Variants in FILIP1L observed in about 807,000 individuals in gnomAD.
FILIP1L encodes filamin A interacting protein 1 like.
In FILIP1L, 55 loss-of-function variants were observed where a neutral mutation model predicts 96.6. The ratio of observed to expected loss-of-function variants is 0.57; its 90% CI spans 0.46 to 0.71. The LOEUF (loss-of-function observed/expected upper bound fraction) is 0.71, where lower values mean the gene tolerates loss of function less well. Ranked by LOEUF, FILIP1L falls within the 30% of genes least tolerant of loss-of-function variation. The pLI is 0.00. For synonymous variants in FILIP1L, 467 were observed against 473.9 expected (o/e 0.99, Z 0.19); for missense variants, 1,304 against 1,321.2 (o/e 0.99, Z 0.20).
chr3:100,026,984 G>A (rs1350298949), intron 1 of FILIP1L, among the ~76,000 whole-genome samples: 4 of 152,064 alleles, frequency 2.6e-5, no homozygotes, highest in Non-Finnish European at 5.9e-5. Context: ...CCTCACATAT[G>A]CCAGCTCATT....
chr3:99,838,777 A>C (rs1418531155), intron 5 of FILIP1L, among the ~76,000 whole-genome samples: 1 of 152,188 alleles, frequency 6.6e-6, no homozygotes, highest in African/African-American at 2.4e-5. Context: ...TTATCCCTAA[A>C]GTTGTCATAA....
intron 1 of FILIP1L, among the ~76,000 whole-genome samples, chr3:99,994,469 G>A (rs1019776602): frequency 2.0e-5 from 3 of 152,136 alleles, no homozygotes; most frequent in Non-Finnish European, 4.4e-5. Context: ...CTCTGAGGTC[G>A]ATCACATGTT....
At chr3:99,959,870 G>A (rs1357508686) in intron 1 of FILIP1L, among the ~76,000 whole-genome samples, 1 of 152,100 alleles carries the variant, frequency 6.6e-6, no homozygotes, top group Non-Finnish European at 1.5e-5. Context: ...GAGCCCCCCA[G>A]CCCACTCAGT....
intron 4 of FILIP1L, among the ~76,000 whole-genome samples, chr3:99,900,783 A>G (rs1312432085): frequency 6.6e-6 from 1 of 152,228 alleles, no homozygotes; most frequent in East Asian, 1.9e-4. Context: ...TTGCTGTTTC[A>G]GCCTCAGAGA....
intron 1 of FILIP1L, among the ~76,000 whole-genome samples, chr3:99,970,797 A>G (rs756272288): frequency 4.6e-5 from 7 of 152,212 alleles, no homozygotes; most frequent in Non-Finnish European, 8.8e-5. Context: ...ACATTATACT[A>G]TCTGCTACAG....
intron 1 of FILIP1L, among the ~76,000 whole-genome samples, chr3:100,113,778 T>G (rs1189517798): frequency 6.6e-6 from 1 of 152,218 alleles, no homozygotes; most frequent in Non-Finnish European, 1.5e-5. Context: ...CTTAACAGGA[T>G]AACAATTTAA....
chr3:100,007,207 A>G (rs940175729), intron 1 of FILIP1L, among the ~76,000 whole-genome samples: 8 of 151,946 alleles, frequency 5.3e-5, no homozygotes, highest in Admixed American at 2.0e-4. Flanking sequence ...TGCTTTTTCT[A>G]TTTTCTCTTC....
rs141077616 is a variant in FILIP1L, at chr3:100,089,943, G to A, written c.-11+24110C>T. 4.6e-3 allele frequency among the ~76,000 whole-genome samples: 707 copies of A among 152,258 alleles called. 2 individuals are homozygous for A. Among genetic ancestry groups the A allele is most frequent in the South Asian group, 7.1e-3 (34 of 4,822 alleles). ...CAGATGATCTCTAAGACCTCCTCTAGTACTGAACAAAATTGGAGGGAGGAA... is the reference window on the plus strand; with the variant it reads ...CAGATGATCTCTAAGACCTCCTCTAATACTGAACAAAATTGGAGGGAGGAA... On this transcript the variant is annotated intron_variant, in intron 1 of 5. Coordinates refer to ENST00000477258, the MANE Select transcript of FILIP1L (RefSeq NM_001387850.1).
intron 1 of FILIP1L, among the ~76,000 whole-genome samples, chr3:100,032,751 CACTT>C (rs1358115013): frequency 4.5e-4 from 69 of 152,218 alleles, no homozygotes; most frequent in African/African-American, 1.6e-3. Flanking sequence ...GTAGGTAACT[CACTT>C]ATAACAATTG....
intron 1 of FILIP1L, among the ~76,000 whole-genome samples, chr3:99,983,553 G>T (rs113693763): frequency 5.7e-5 from 8 of 141,554 alleles, no homozygotes; most frequent in African/African-American, 1.8e-4. Flanking sequence ...AGCCAGGTGT[G>T]GTGGCAGGTA....
chr3:99,979,274 C>T (rs979631892), intron 1 of FILIP1L, among the ~76,000 whole-genome samples: 1 of 152,100 alleles, frequency 6.6e-6, no homozygotes, highest in African/African-American at 2.4e-5. Context: ...TGAGACTCTA[C>T]CTAAAATTTT....
At chr3:99,912,361 C>T (rs1706818003) in intron 4 of FILIP1L, among the ~76,000 whole-genome samples, 1 of 152,050 alleles carries the variant, frequency 6.6e-6, no homozygotes, top group Admixed American at 6.5e-5. Flanking sequence ...TTAATGGGCA[C>T]AGGGCTGCTG....
At chr3:100,050,915 T>C (rs1319939964) in intron 1 of FILIP1L, among the ~76,000 whole-genome samples, 3 of 152,216 alleles carry the variant, frequency 2.0e-5, no homozygotes. Flanking sequence ...AAGTGGCTCC[T>C]TGTGGAAGAG....
At chr3:100,056,773 G>T (rs1330143668) in intron 1 of FILIP1L, among the ~76,000 whole-genome samples, 1 of 151,362 alleles carries the variant, frequency 6.6e-6, no homozygotes, top group Non-Finnish European at 1.5e-5. Flanking sequence ...GCCAAGGCAG[G>T]CCGGGCGGAT....
rs1354272605 is a variant in FILIP1L at position 99,925,920 on chromosome 3, G to GA, written c.427-1513dup. 4 of 980,370 alleles carry GA rather than the reference G, an allele frequency of 4.1e-6. No individual in the cohort carries two copies. In the Admixed American group the frequency reaches 2.5e-4, roughly 60 times the overall value. The allele number at this position is 980,370 out of a possible 1,614,324, so 60.7% of individuals were successfully genotyped here. On this transcript the variant is annotated intron_variant, in intron 3 of 5. Coordinates refer to ENST00000477258, the MANE Select transcript of FILIP1L (RefSeq NM_001387850.1). ...CCCAGCACGGGGTAAGCTGCCACCA[G>GA]AAAAACATGTTGGCAAGAGCTAACT...
intron 5 of FILIP1L, among the ~76,000 whole-genome samples, chr3:99,835,589 A>G (rs1559649636): frequency 6.6e-6 from 1 of 152,214 alleles, no homozygotes; most frequent in Non-Finnish European, 1.5e-5. Context: ...GAATCCCTGC[A>G]GTGGGAATTA....
At chr3:100,027,013 T>C (rs2064936004) in intron 1 of FILIP1L, among the ~76,000 whole-genome samples, 1 of 152,172 alleles carries the variant, frequency 6.6e-6, no homozygotes, top group Non-Finnish European at 1.5e-5. Flanking sequence ...GTGACCTTTG[T>C]CCTTGCTGTT....
intron 4 of FILIP1L, among the ~76,000 whole-genome samples, chr3:99,903,054 A>G (rs1159595715): frequency 2.0e-5 from 3 of 152,102 alleles, no homozygotes; most frequent in Non-Finnish European, 4.4e-5. Flanking sequence ...TTTCCTGCCC[A>G]TTTATACTTT....
intron 4 of FILIP1L, among the ~76,000 whole-genome samples, chr3:99,854,410 A>G (rs1322600717): frequency 6.6e-6 from 1 of 152,350 alleles, no homozygotes; most frequent in East Asian, 1.9e-4. Context: ...TCTTCAAAGT[A>G]GCATAGACCT....
Sources: allele counts gnomAD v4.1 joint callset (sites outside exome capture counted in the v4.1 genomes callset), GRCh38; gene constraint gnomAD v4.1.1; transcripts MANE v1.5; gene names NCBI Gene and HGNC (gene_info 2026-07-23, HGNC 2026-07-21).